Variants in TULP4 observed in about 807,000 individuals in gnomAD.
TULP4 encodes the protein tubby-related protein 4.
A neutral mutation model predicts 129.0 loss-of-function variants in TULP4; 16 were observed. The observed-to-expected ratio is 0.12, with a 90% CI of 0.08 to 0.19. TULP4 has a LOEUF of 0.19. Among genes scored for constraint, TULP4 ranks in the 10% least tolerant of loss-of-function variants. The probability of loss-of-function intolerance (pLI) is 1.00; values close to 1 mark genes in which losing one functional copy is unlikely to be tolerated. For synonymous variants in TULP4, 998 were observed against 854.0 expected (o/e 1.17, Z -2.94); for missense variants, 1,842 against 2,059.1 (o/e 0.89, Z 2.04).
intron 1 of TULP4, among the ~76,000 whole-genome samples, chr6:158,291,053 A>G (rs1014808029): frequency 3.3e-5 from 5 of 152,374 alleles, no homozygotes; most frequent in African/African-American, 1.2e-4. Flanking sequence ...AGCTATACCT[A>G]GAAGTTGATA....
chr6:158,346,087 A>G (rs1473696967), intron 1 of TULP4, among the ~76,000 whole-genome samples: 3 of 152,116 alleles, frequency 2.0e-5, no homozygotes, highest in Non-Finnish European at 2.9e-5. Context: ...GTCAGATCTT[A>G]TGGTTGTCTT....
rs1012602355 is a variant in TULP4 at position 158,508,065 on chromosome 6, A to C, written c.*1371A>C. On this transcript the variant is annotated 3_prime_UTR_variant, in exon 14 of 14. Transcript: ENST00000367097. ...ATTGTATAAAAAAAAATTACCTAGA[A>C]TATCTCTTCCCACTTCCTCGTCCTC... is the stretch of plus-strand genomic sequence containing the variant. The C allele has an allele frequency of 6.6e-6, 1 of 152,226 alleles. No individual in the cohort carries two copies. Among genetic ancestry groups the C allele is most frequent in the Non-Finnish European group, 1.5e-5 (1 of 68,040 alleles). 9.4% of individuals were successfully genotyped at this position (152,226 alleles called of 1,614,324 possible).
chr6:158,392,794 C>CTTTTTTTTTGTTTTTTTTTTTTTTTTT (rs1777615562), intron 1 of TULP4, among the ~76,000 whole-genome samples: 1 of 54,642 alleles, frequency 1.8e-5, no homozygotes, highest in Non-Finnish European at 3.0e-5. Flanking sequence ...ATTTGTATTT[C>CTTTTTTTTTGTTTTTTTTTTTTTTTTT]TTTTTTTTTT....
At chr6:158,426,832 T>C (rs1428288521) in intron 2 of TULP4, among the ~76,000 whole-genome samples, 6 of 152,250 alleles carry the variant, frequency 3.9e-5, no homozygotes. Context: ...TTTAGTGATA[T>C]TGATTCTTCC....
At chr6:158,339,360 C>G (rs1287065481) in intron 1 of TULP4, among the ~76,000 whole-genome samples, 1 of 152,126 alleles carries the variant, frequency 6.6e-6, no homozygotes, top group African/African-American at 2.4e-5. Flanking sequence ...AAGGTCAGGG[C>G]GAAACTAGAA....
chr6:158,334,037 T>A (rs1779977587), intron 1 of TULP4, among the ~76,000 whole-genome samples: 1 of 152,192 alleles, frequency 6.6e-6, no homozygotes, highest in African/African-American at 2.4e-5. Context: ...CTTAAAATAT[T>A]GTGTGATGCT....
intron 2 of TULP4, among the ~76,000 whole-genome samples, chr6:158,422,743 G>C (rs1583858960): frequency 6.6e-6 from 1 of 152,340 alleles, no homozygotes; most frequent in East Asian, 1.9e-4. Context: ...TTTGCATAGG[G>C]CTCAGGGGAT....
chr6:158,466,975 A>G (rs566562897), intron 6 of TULP4, among the ~76,000 whole-genome samples: 8 of 152,312 alleles, frequency 5.3e-5, no homozygotes, highest in African/African-American at 1.9e-4. Context: ...CTGAAGCCTA[A>G]GGAAAGAGGC....
At chr6:158,492,833 G>A (rs1335616405) in intron 9 of TULP4, among the ~76,000 whole-genome samples, 1 of 152,192 alleles carries the variant, frequency 6.6e-6, no homozygotes, top group East Asian at 1.9e-4. Flanking sequence ...CTTTGGGGTA[G>A]ACTGTCATTA....
intron 1 of TULP4, among the ~76,000 whole-genome samples, chr6:158,304,175 C>G (rs1009668232): frequency 2.0e-5 from 3 of 152,068 alleles, no homozygotes; most frequent in Non-Finnish European, 4.4e-5. Context: ...CCTGATACAC[C>G]ATCCTGTCCC....
chr6:158,489,544 T>G, intron 8 of TULP4, 44 bp from the exon 9 acceptor site: 1 of 1,611,978 alleles, frequency 6.2e-7, no homozygotes, highest in South Asian at 1.1e-5. Context: ...TAGGGGCTAA[T>G]TGATATAACT....
chr6:158,365,513 G>T (rs1780917706), intron 1 of TULP4, among the ~76,000 whole-genome samples: 1 of 134,678 alleles, frequency 7.4e-6, no homozygotes, highest in Admixed American at 8.4e-5. Flanking sequence ...GTCTTGCTCT[G>T]TTGCCCAGGC....
intron 2 of TULP4, among the ~76,000 whole-genome samples, chr6:158,427,453 T>A (rs1778522232): frequency 6.8e-6 from 1 of 148,016 alleles, no homozygotes; most frequent in East Asian, 2.0e-4. Context: ...GACAAATTCC[T>A]TTTCAAAATT....
At chr6:158,232,920 C>T (rs1011736246) in intron 1 of TULP4, among the ~76,000 whole-genome samples, 2 of 152,244 alleles carry the variant, frequency 1.3e-5, no homozygotes, top group Non-Finnish European at 2.9e-5. Flanking sequence ...CTTCTGCTGT[C>T]TGGAGTCTGT....
intron 1 of TULP4, among the ~76,000 whole-genome samples, chr6:158,386,477 T>G (rs1777450596): frequency 6.6e-6 from 1 of 152,196 alleles, no homozygotes; most frequent in Non-Finnish European, 1.5e-5. Flanking sequence ...TTTCAAAGAA[T>G]AAAACTTGCA....
chr6:158,420,613 C>T (rs936009366), intron 2 of TULP4, among the ~76,000 whole-genome samples: 2 of 151,152 alleles, frequency 1.3e-5, no homozygotes, highest in African/African-American at 4.9e-5. Context: ...TCCAGAGTAG[C>T]TGGGATTACA....
chr6:158,486,410 G>A (rs1339186561), intron 8 of TULP4, among the ~76,000 whole-genome samples: 7 of 152,078 alleles, frequency 4.6e-5, no homozygotes, highest in African/African-American at 1.2e-4. Context: ...AAAATTAGCC[G>A]GGCGTGGTGG....
intron 1 of TULP4, among the ~76,000 whole-genome samples, chr6:158,368,803 A>C (rs1777002572): frequency 6.6e-6 from 1 of 152,194 alleles, no homozygotes; most frequent in East Asian, 1.9e-4. Context: ...AAATACATAA[A>C]AATTACATAC....
At chr6:158,452,060 A>G in intron 4 of TULP4, 74 bp from the exon 5 acceptor site, 4 of 1,581,816 alleles carry the variant, frequency 2.5e-6, no homozygotes, top group Non-Finnish European at 3.4e-6. Context: ...GCACCATGCA[A>G]GATTTCAGCT....
Sources: gnomAD v4.1 joint callset for allele counts (sites outside exome capture counted in the v4.1 genomes callset) on GRCh38, gnomAD v4.1.1 for gene constraint, MANE v1.5 for transcripts, NCBI Gene and HGNC (gene_info 2026-07-23, HGNC 2026-07-21) for gene names.